CFAP47: variants seen among roughly 807,000 people sequenced by gnomAD.
CFAP47 encodes cilia- and flagella-associated protein 47.
In CFAP47, 29 loss-of-function variants were observed where a neutral mutation model predicts 148.1. That is an observed-to-expected ratio of 0.20 (90% CI 0.15 to 0.27). The LOEUF is 0.27. Ranked by LOEUF, CFAP47 falls within the 10% of genes least tolerant of loss-of-function variation. CFAP47 has a pLI of 1.00. For synonymous variants in CFAP47, 664 were observed against 577.3 expected (o/e 1.15, Z -2.15); for missense variants, 1,872 against 1,697.5 (o/e 1.10, Z -1.81).
intron 51 of CFAP47, among the ~76,000 whole-genome samples, chrX:36,289,966 A>G (rs781895719): frequency 9.0e-6 from 1 of 110,722 alleles, no homozygotes; most frequent in East Asian, 2.9e-4. Context: ...GTGCTCTGCC[A>G]AAAGGAAGGG....
intron 42 of CFAP47, among the ~76,000 whole-genome samples, chrX:36,196,843 C>A (rs183031191): frequency 8.9e-6 from 1 of 111,766 alleles, no homozygotes; most frequent in Non-Finnish European, 1.9e-5. Context: ...TAGAACAGCT[C>A]ATGATGACAA....
chrX:36,352,058 T>C (rs927159123), intron 59 of CFAP47, among the ~76,000 whole-genome samples: 1 of 111,297 alleles, frequency 9.0e-6, no homozygotes, highest in Admixed American at 9.6e-5. Flanking sequence ...TGCATTCTTA[T>C]CTACTACTGT....
intron 49 of CFAP47, among the ~76,000 whole-genome samples, chrX:36,277,662 A>G (rs782336413): frequency 2.0e-4 from 22 of 112,596 alleles, no homozygotes; most frequent in Admixed American, 3.7e-4. Flanking sequence ...ATGTGTTTTC[A>G]GTTTAATCTC....
intron 62 of CFAP47, among the ~76,000 whole-genome samples, chrX:36,372,709 A>T (rs782718108): frequency 2.7e-5 from 3 of 112,110 alleles, no homozygotes; most frequent in Non-Finnish European, 3.8e-5. Context: ...ATCATATGGA[A>T]CAACCATTGT....
chrX:35,990,380 T>C (rs916870104), intron 16 of CFAP47, among the ~76,000 whole-genome samples: 1 of 111,323 alleles, frequency 9.0e-6, no homozygotes, highest in African/African-American at 3.3e-5. Flanking sequence ...ACTGCTTGCT[T>C]TCCTGAAAAA....
Position 35,956,103 on chromosome X carries a change from A to G in CFAP47, c.1317A>G (p.Gln439=), listed in dbSNP as rs757261016. The stretch of plus-strand genomic sequence containing the variant: ...AAATTCAGTGCATCATAAAAAATCA[A>G]TGCGAATTACTTCCTGTGACGTACC... ...RSEIQCIIKN[Q]CELLPVTYHF... The change falls in exon 8 of 64, where the codon CAA becomes CAG. Residue 439 remains glutamine (Q), a synonymous_variant. Transcript: ENST00000378653. 6 of 1,209,911 alleles carry G rather than the reference A, an allele frequency of 5.0e-6. No individual in the cohort carries two copies. The highest frequency in any genetic ancestry group is 1.8e-5 in the South Asian group (1 of 56,812).
chrX:36,217,567 CAG>C (rs782160641), intron 45 of CFAP47, among the ~76,000 whole-genome samples: 1 of 111,886 alleles, frequency 8.9e-6, no homozygotes, highest in African/African-American at 3.2e-5. Flanking sequence ...TTCTCATAGT[CAG>C]AGTCTGTACT....
chrX:36,114,060 T>C (rs1938599191), intron 33 of CFAP47, among the ~76,000 whole-genome samples: 1 of 111,157 alleles, frequency 9.0e-6, no homozygotes, highest in Admixed American at 9.6e-5. Context: ...TCTGCCCGCC[T>C]TGGCCTCCCA....
At chrX:36,068,586 T>TG (rs2146756729) in intron 27 of CFAP47, among the ~76,000 whole-genome samples, 1 of 112,074 alleles carries the variant, frequency 8.9e-6, no homozygotes, top group East Asian at 2.8e-4. Context: ...TATGGAATAA[T>TG]GCAGTTGGCA....
At chrX:36,363,750 T>G (rs1941847704) in intron 61 of CFAP47, among the ~76,000 whole-genome samples, 1 of 111,937 alleles carries the variant, frequency 8.9e-6, no homozygotes, top group Admixed American at 9.5e-5. Flanking sequence ...CATTCTGACA[T>G]TCATCTTTTC....
At chrX:36,231,837 T>C (rs782299849) in intron 46 of CFAP47, among the ~76,000 whole-genome samples, 77 of 111,982 alleles carry the variant, frequency 6.9e-4, no homozygotes, top group African/African-American at 2.4e-3. Context: ...TGTTGAATTT[T>C]GTCAAAGGCC....
At position 36,303,979 on chromosome X, in the gene CFAP47, C is replaced by T; in HGVS notation, c.8082+19C>T. The stretch of plus-strand genomic sequence containing the variant: ...ATCACAAGTAAGTAAATTCAGAGAG[C>T]CATGAAATTTACTGCTGCTAGATCA... On this transcript the variant is annotated intron_variant, in intron 54 of 63. Coordinates refer to ENST00000378653, the MANE Select transcript of CFAP47 (RefSeq NM_001304548.2). 1 of 863,785 alleles carries T rather than the reference C, an allele frequency of 1.2e-6. No homozygotes were observed. The highest frequency in any genetic ancestry group is 1.6e-6 in the Non-Finnish European group (1 of 610,428). The allele number at this position is 863,785 out of a possible 1,213,427, so 71.2% of individuals were successfully genotyped here.
intron 56 of CFAP47, among the ~76,000 whole-genome samples, chrX:36,315,280 G>A (rs1444365226): frequency 8.9e-6 from 1 of 111,997 alleles, no homozygotes; most frequent in Non-Finnish European, 1.9e-5. Context: ...GCACACACTG[G>A]TCTGTGCATT....
intron 56 of CFAP47, among the ~76,000 whole-genome samples, chrX:36,315,578 G>A (rs1419433877): frequency 8.9e-6 from 1 of 112,010 alleles, no homozygotes; most frequent in Non-Finnish European, 1.9e-5. Flanking sequence ...AGTTATCTCA[G>A]GACAACAAAT....
chrX:36,176,105 A>G (rs1939675135), intron 39 of CFAP47, among the ~76,000 whole-genome samples: 1 of 112,611 alleles, frequency 8.9e-6, no homozygotes, highest in Middle Eastern at 4.6e-3. Context: ...AGGAAAGGGA[A>G]CTCCCTGACC....
intron 49 of CFAP47, among the ~76,000 whole-genome samples, chrX:36,264,370 T>C (rs1940866046): frequency 9.0e-6 from 1 of 111,699 alleles, no homozygotes; most frequent in Non-Finnish European, 1.9e-5. Flanking sequence ...CTTTCCAGTA[T>C]ATTTATAGAC....
chrX:36,128,467 T>G (rs974662861), intron 33 of CFAP47, among the ~76,000 whole-genome samples: 1 of 111,267 alleles, frequency 9.0e-6, no homozygotes, highest in Non-Finnish European at 1.9e-5. Context: ...ATACATTTCT[T>G]TGTAAATTTG....
At chrX:36,158,530 C>T (rs1275709152) in intron 37 of CFAP47, among the ~76,000 whole-genome samples, 1 of 112,157 alleles carries the variant, frequency 8.9e-6, no homozygotes, top group Non-Finnish European at 1.9e-5. Flanking sequence ...GTAAGACACC[C>T]TCTTGCTGAG....
chrX:36,170,103 A>G (rs929547738), intron 39 of CFAP47, among the ~76,000 whole-genome samples: 5 of 111,223 alleles, frequency 4.5e-5, no homozygotes, highest in Non-Finnish European at 9.4e-5. Context: ...TACAACACAC[A>G]AGTTCCAATG....
Sources: gnomAD v4.1 joint callset for allele counts (sites outside exome capture counted in the v4.1 genomes callset) on GRCh38, gnomAD v4.1.1 for gene constraint, MANE v1.5 for transcripts, NCBI Gene and HGNC (gene_info 2026-07-23, HGNC 2026-07-21) for gene names.